Variants in ACOX2 observed in about 807,000 individuals in gnomAD.
ACOX2 encodes acyl-CoA oxidase 2, also known as peroxisomal acyl-coenzyme A oxidase 2.
A neutral mutation model predicts 77.5 loss-of-function variants in ACOX2; 59 were observed. The ratio of observed to expected loss-of-function variants is 0.76; its 90% confidence interval spans 0.62 to 0.95. ACOX2 has a LOEUF of 0.95. ACOX2 is among the 40% of genes least tolerant of loss of function. The pLI, the probability that ACOX2 is intolerant of heterozygous loss-of-function variation, is 0.00. For synonymous variants in ACOX2, 317 were observed against 340.1 expected (o/e 0.93, Z 0.75); for missense variants, 837 against 880.4 (o/e 0.95, Z 0.62).
chr3:58,532,965 G>T (rs1380539870), intron 5 of ACOX2, among the ~76,000 whole-genome samples: 1 of 152,124 alleles, frequency 6.6e-6, no homozygotes, highest in Non-Finnish European at 1.5e-5. Flanking sequence ...CGGCGTTGGT[G>T]GCCTGATGGG....
chr3:58,512,877 T>C lies in ACOX2; in HGVS notation c.1851-3852A>G, dbSNP rs1209327969. 1.3e-5 allele frequency among the ~76,000 whole-genome samples: 2 copies of C among 152,246 alleles called. No individual in the cohort carries two copies. On this transcript the variant is annotated intron_variant, in intron 13 of 14. Transcript: ENST00000302819. This position sits in a 1 kb window ranked among gnomAD's most constrained non-coding sequence, Gnocchi z 4.8. ...GTGTGACTGTACGAGCAATAGGCTA[T>C]ACCATTTAGGCTTGTGTAAGTACAC...
rs1277153703 is a variant in ACOX2 at position 58,523,396 on chromosome 3, T to C, written c.1527-795A>G. On this transcript the variant is annotated intron_variant, in intron 11 of 14. Transcript: ENST00000302819. This position sits in a 1 kb window ranked among gnomAD's most constrained non-coding sequence, Gnocchi z 5.3. ...TGGGGTGTTTATCAGGCCTATTTAC[T>C]GATAGGTCCCTAATGCCTAGAACAG... Among the ~76,000 whole-genome samples, 3 of 152,200 alleles carry C rather than the reference T, an allele frequency of 2.0e-5. No individual in the cohort carries two copies. The highest frequency in any genetic ancestry group is 2.9e-5 in the Non-Finnish European group (2 of 68,030).
At chr3:58,527,489 T>C (rs2063404498) in intron 9 of ACOX2, among the ~76,000 whole-genome samples, 1 of 145,300 alleles carries the variant, frequency 6.9e-6, no homozygotes, top group South Asian at 2.1e-4. Context: ...TGAGCCAAGA[T>C]TGTACCACTG....
chr3:58,527,583 C>T (rs2108005141), intron 9 of ACOX2, among the ~76,000 whole-genome samples: 1 of 150,154 alleles, frequency 6.7e-6, no homozygotes, highest in South Asian at 2.1e-4. Flanking sequence ...CATTTGAGGA[C>T]ACAGCAAAAA....
chr3:58,531,310 A>T lies in ACOX2; in HGVS notation c.760T>A (p.Phe254Ile). Reference sequence around the variant, plus strand: ...ACCCGCACATGGTTCAGCTGCAGGAAGCCATTGTCTGTTTGATCAAAGTCC... The same window carrying T: ...ACCCGCACATGGTTCAGCTGCAGGATGCCATTGTCTGTTTGATCAAAGTCC... ...KMDFDQTDNG[F>I]LQLNHVRVPR... Residue 254 changes from phenylalanine to isoleucine, a missense_variant, in exon 7 of 15, where the codon TTC (phenylalanine) becomes ATC (isoleucine). Phe to Ile is a conservative substitution (Grantham distance 21). Coordinates refer to ENST00000302819, the MANE Select transcript of ACOX2 (RefSeq NM_003500.4). The surrounding 1 kb of genome is among the most constrained non-coding windows in gnomAD (Gnocchi z 5.8). The T allele has an allele frequency of 6.2e-7, 1 of 1,613,862 alleles. No homozygotes were observed. The highest frequency in any genetic ancestry group is 8.5e-7 in the Non-Finnish European group (1 of 1,180,030).
At position 58,534,964 on chromosome 3, in the gene ACOX2, G is replaced by A. The variant is rs752030551; in HGVS notation, c.143C>T (p.Ala48Val). ...CCCCTTACCAACTTTCCTGCGGAGT[G>A]CAGTGTTCTGGGCACCTCCATCAAG... ...NILDGGAQNT[A>V]LRRKVESIIH... Residue 48 changes from alanine to valine, a missense_variant, in exon 2 of 15, where the codon GCA becomes GTA. Transcript: ENST00000302819. The surrounding 1 kb of genome is among the most constrained non-coding windows in gnomAD (Gnocchi z 4.8). The A allele has an allele frequency of 6.8e-6, 11 of 1,614,224 alleles. No individual in the cohort carries two copies. The South Asian group carries it at 1.1e-4, about 16-fold the overall frequency.
At position 58,515,358 on chromosome 3, in the gene ACOX2, A is replaced by G. The variant is rs2063314879; in HGVS notation, c.1850+1848T>C. Among the ~76,000 whole-genome samples the G allele has an allele frequency of 6.6e-6, 1 of 152,000 alleles. No individual in the cohort carries two copies. The highest frequency in any genetic ancestry group is 2.4e-5 in the African/African-American group (1 of 41,366). On this transcript the variant is annotated intron_variant, in intron 13 of 14. Transcript: ENST00000302819. This position sits in a 1 kb window ranked among gnomAD's most constrained non-coding sequence, Gnocchi z 4.0. ...TTTTTGACCACCAGCTATCTGTTACATGCTATGAGTAGTCATAAAGGGCAT... is the reference window on the plus strand; with the variant it reads ...TTTTTGACCACCAGCTATCTGTTACGTGCTATGAGTAGTCATAAAGGGCAT...
rs1301762813 is a variant in ACOX2, at chr3:58,512,056, A to G, written c.1851-3031T>C. ...CAATGACTTCCAAACTTATCCCTCC[A>G]GTGTCCCCTGCTTACCAACATCTGT... On this transcript the variant is annotated intron_variant, in intron 13 of 14. Transcript: ENST00000302819. This position sits in a 1 kb window ranked among gnomAD's most constrained non-coding sequence, Gnocchi z 4.8. Among the ~76,000 whole-genome samples, 1 of 152,178 alleles carries G rather than the reference A, an allele frequency of 6.6e-6. No individual in the cohort carries two copies. Among genetic ancestry groups the G allele is most frequent in the East Asian group, 1.9e-4 (1 of 5,200 alleles).
intron 14 of ACOX2, 76 bp downstream of exon 14, chr3:58,508,817 T>A (rs982124716): frequency 1.3e-6 from 2 of 1,553,488 alleles, no homozygotes; most frequent in Non-Finnish European, 1.8e-6. Flanking sequence ...TCAATTAAAA[T>A]GGGAGAACAT....
In ACOX2 at chr3:58,522,024, A is replaced by G. The variant is rs74339657; in HGVS notation, c.1632+472T>C. On this transcript the variant is annotated intron_variant, in intron 12 of 14. Transcript: ENST00000302819. The surrounding 1 kb of genome is among the most constrained non-coding windows in gnomAD (Gnocchi z 4.3). Reference sequence around the variant, plus strand: ...GCTCTGGGATTCCATAGCAGCCTGTATTTCCCTGTCATGGTGCTTCCTTGA... The same window carrying G: ...GCTCTGGGATTCCATAGCAGCCTGTGTTTCCCTGTCATGGTGCTTCCTTGA... 1.6e-3 allele frequency among the ~76,000 whole-genome samples: 245 copies of G among 152,246 alleles called. 2 individuals are homozygous for G. The highest frequency in any genetic ancestry group is 5.7e-3 in the African/African-American group (237 of 41,540).
At position 58,526,098 on chromosome 3, in the gene ACOX2, T is replaced by C. The variant is rs1435027098; in HGVS notation, c.1346+368A>G. Among the ~76,000 whole-genome samples, 2 of 151,964 alleles carry C rather than the reference T, an allele frequency of 1.3e-5. No homozygotes were observed. The highest frequency in any genetic ancestry group is 3.9e-4 in the East Asian group (2 of 5,176). On this transcript the variant is annotated intron_variant, in intron 10 of 14. Coordinates refer to ENST00000302819, the MANE Select transcript of ACOX2 (RefSeq NM_003500.4). This position sits in a 1 kb window ranked among gnomAD's most constrained non-coding sequence, Gnocchi z 4.3. ...ACGGGGAGGCAGGGGTCAGGTCACA[T>C]GGACCTTGCAGGCCACAGCATAGAA...
At position 58,535,359 on chromosome 3, in the gene ACOX2, A is replaced by G; in HGVS notation, c.-91-162T>C. 1.8e-6 allele frequency: 1 copy of G among 546,046 alleles called. No homozygotes were observed. Among genetic ancestry groups the G allele is most frequent in the Non-Finnish European group, 3.3e-6 (1 of 304,406 alleles). The allele number at this position is 546,046 out of a possible 1,614,324, so 33.8% of individuals were successfully genotyped here. The stretch of plus-strand genomic sequence containing the variant: ...TGCATGGTAGGCATGGTATGCAGCC[A>G]TTGCTTGGTACATGTTTGTTCAATA... On this transcript the variant is annotated intron_variant, in intron 1 of 14. Coordinates refer to ENST00000302819, the MANE Select transcript of ACOX2 (RefSeq NM_003500.4). The surrounding 1 kb of genome is among the most constrained non-coding windows in gnomAD (Gnocchi z 4.8).
intron 13 of ACOX2, among the ~76,000 whole-genome samples, chr3:58,513,047 C>T (rs2063298839): frequency 6.6e-6 from 1 of 152,208 alleles, no homozygotes. Flanking sequence ...TCCCTACCTT[C>T]TCCTCAGGTC....
At chr3:58,508,850 C>T in intron 14 of ACOX2, 43 bp downstream of exon 14, 2 of 1,607,290 alleles carry the variant, frequency 1.2e-6, no homozygotes, top group Non-Finnish European at 1.7e-6. Flanking sequence ...ACTGCCTGTT[C>T]TCTGCTTTCT....
At position 58,523,201 on chromosome 3, in the gene ACOX2, T is replaced by G. The variant is rs185767606; in HGVS notation, c.1527-600A>C. ...ATCCATGACCCTTAGAATTTGTGTG[T>G]AAAGCAAACTGTTTATTAAGCAATA... On this transcript the variant is annotated intron_variant, in intron 11 of 14. Coordinates refer to ENST00000302819, the MANE Select transcript of ACOX2 (RefSeq NM_003500.4). This position sits in a 1 kb window ranked among gnomAD's most constrained non-coding sequence, Gnocchi z 5.3. Among the ~76,000 whole-genome samples the G allele has an allele frequency of 6.6e-6, 1 of 152,348 alleles. No homozygotes were observed. The highest frequency in any genetic ancestry group is 1.5e-5 in the Non-Finnish European group (1 of 68,026).
rs925731775 is a variant in ACOX2, at chr3:58,521,418, G to A, written c.1632+1078C>T. On this transcript the variant is annotated intron_variant, in intron 12 of 14. Coordinates refer to ENST00000302819, the MANE Select transcript of ACOX2 (RefSeq NM_003500.4). The surrounding 1 kb of genome is among the most constrained non-coding windows in gnomAD (Gnocchi z 4.8). ...CGGTGCCAGAGTCCCAGCTGCCTAA[G>A]CTAGAACTCAGGAGTTGTTCTTACC... Among the ~76,000 whole-genome samples the A allele has an allele frequency of 6.6e-6, 1 of 152,198 alleles. No individual in the cohort carries two copies. The highest frequency in any genetic ancestry group is 2.4e-5 in the African/African-American group (1 of 41,440).
Position 58,533,830 on chromosome 3 carries a change from T to G in ACOX2, c.475+164A>C. 1.1e-6 allele frequency: 1 copy of G among 902,740 alleles called. No homozygotes were observed. The highest frequency in any genetic ancestry group is 1.6e-6 in the Non-Finnish European group (1 of 606,976). 55.9% of individuals were successfully genotyped at this position (902,740 alleles called of 1,614,324 possible). On this transcript the variant is annotated intron_variant, in intron 4 of 14. Transcript: ENST00000302819. The surrounding 1 kb of genome is among the most constrained non-coding windows in gnomAD (Gnocchi z 5.6). ...CATACAATACGTGCAAATTAGAAGG[T>G]GGCACCCCTTCCTCAGGACCCTTGA...
chr3:58,516,459 AGT>A (rs1397567952), intron 13 of ACOX2, among the ~76,000 whole-genome samples: 1 of 152,240 alleles, frequency 6.6e-6, no homozygotes, highest in Non-Finnish European at 1.5e-5. Context: ...GGAGATTAAT[AGT>A]ACCCATTTCA....
At chr3:58,510,236 C>T (rs1457501403) in intron 13 of ACOX2, among the ~76,000 whole-genome samples, 1 of 152,110 alleles carries the variant, frequency 6.6e-6, no homozygotes, top group African/African-American at 2.4e-5. Flanking sequence ...TGATCCCCAA[C>T]ATCATATGAG....
Sources: allele counts gnomAD v4.1 joint callset (sites outside exome capture counted in the v4.1 genomes callset), GRCh38; gene constraint gnomAD v4.1.1; non-coding constraint Gnocchi (gnomAD v3.1); transcripts MANE v1.5; gene names NCBI Gene and HGNC (gene_info 2026-07-23, HGNC 2026-07-21).